MYRIP: variants seen among roughly 807,000 people sequenced by gnomAD.
The protein encoded by MYRIP is myosin VIIA and Rab interacting protein.
In MYRIP, 49 loss-of-function variants were observed where a neutral mutation model predicts 98.0. The ratio of observed to expected loss-of-function variants is 0.50; its 90% confidence interval spans 0.40 to 0.63. The LOEUF (loss-of-function observed/expected upper bound fraction) is 0.63, where lower values mean the gene tolerates loss of function less well. Ranked by LOEUF, MYRIP falls within the 30% of genes least tolerant of loss-of-function variation. MYRIP has a pLI of 0.00. For synonymous variants in MYRIP, 404 were observed against 409.5 expected (o/e 0.99, Z 0.16); for missense variants, 1,004 against 1,058.2 (o/e 0.95, Z 0.71).
chr3:39,870,866 A>G (rs1173893728), intron 1 of MYRIP, among the ~76,000 whole-genome samples: 1 of 152,152 alleles, frequency 6.6e-6, no homozygotes, highest in East Asian at 1.9e-4. Context: ...ACTTACACCA[A>G]CTTATACTAT....
At chr3:40,211,325 A>G (rs773160362) in intron 11 of MYRIP, among the ~76,000 whole-genome samples, 1 of 152,222 alleles carries the variant, frequency 6.6e-6, no homozygotes, top group East Asian at 1.9e-4. Context: ...TGAGTGAAGG[A>G]GCTGCCTTCA....
At chr3:39,962,229 A>G (rs1945339777) in intron 2 of MYRIP, among the ~76,000 whole-genome samples, 1 of 152,130 alleles carries the variant, frequency 6.6e-6, no homozygotes. Flanking sequence ...AAAATTATGC[A>G]CATAAAAATT....
chr3:39,972,827 C>T (rs1002601893), intron 2 of MYRIP, among the ~76,000 whole-genome samples: 3 of 151,030 alleles, frequency 2.0e-5, no homozygotes, highest in African/African-American at 7.3e-5. Flanking sequence ...AGCTAGGGTA[C>T]ATTGACGGGC....
chr3:39,834,637 A>T (rs1457337080), intron 1 of MYRIP, among the ~76,000 whole-genome samples: 5 of 152,212 alleles, frequency 3.3e-5, no homozygotes, highest in Non-Finnish European at 5.9e-5. Flanking sequence ...ATATTTTCAT[A>T]TGACATAAAT....
At chr3:39,845,601 T>C (rs914731272) in intron 1 of MYRIP, among the ~76,000 whole-genome samples, 2 of 152,168 alleles carry the variant, frequency 1.3e-5, no homozygotes, top group African/African-American at 4.8e-5. Context: ...GTAACATCAC[T>C]GTGGCAGGAC....
chr3:40,075,973 G>A (rs1269552903), intron 3 of MYRIP, among the ~76,000 whole-genome samples: 10 of 152,114 alleles, frequency 6.6e-5, no homozygotes, highest in African/African-American at 2.4e-4. Context: ...AGGCAGGTGG[G>A]TCACTTGAGC....
At chr3:40,183,749 G>C (rs370922971) in intron 9 of MYRIP, among the ~76,000 whole-genome samples, 1 of 152,126 alleles carries the variant, frequency 6.6e-6, no homozygotes, top group Non-Finnish European at 1.5e-5. Context: ...ATCCCATGTC[G>C]TATCAGATTT....
intron 16 of MYRIP, among the ~76,000 whole-genome samples, chr3:40,255,235 T>C (rs1953536805): frequency 6.6e-6 from 1 of 152,134 alleles, no homozygotes; most frequent in Non-Finnish European, 1.5e-5. Flanking sequence ...AAAAATAAAT[T>C]GTCTTTCATA....
At chr3:39,920,591 T>A (rs960065354) in intron 2 of MYRIP, among the ~76,000 whole-genome samples, 3 of 152,240 alleles carry the variant, frequency 2.0e-5, no homozygotes, top group Admixed American at 1.3e-4. Flanking sequence ...CAGTGGCTTC[T>A]GCTTTTTTTC....
intron 1 of MYRIP, among the ~76,000 whole-genome samples, chr3:39,816,415 T>C (rs1325677457): frequency 1.3e-5 from 2 of 152,196 alleles, no homozygotes; most frequent in African/African-American, 4.8e-5. Context: ...TGACAACCTA[T>C]CCTGAGAGTA....
chr3:39,872,967 G>C (rs1328084589), intron 1 of MYRIP, among the ~76,000 whole-genome samples: 1 of 152,160 alleles, frequency 6.6e-6, no homozygotes, highest in Non-Finnish European at 1.5e-5. Flanking sequence ...GTGTAAAAGT[G>C]TTCCTATTTC....
At chr3:40,179,151 G>A (rs975789790) in intron 8 of MYRIP, among the ~76,000 whole-genome samples, 1 of 152,194 alleles carries the variant, frequency 6.6e-6, no homozygotes, top group African/African-American at 2.4e-5. Context: ...GGTGCCCTCT[G>A]CTGGGCGTGT....
intron 2 of MYRIP, among the ~76,000 whole-genome samples, chr3:39,915,463 A>G (rs1484154584): frequency 1.3e-5 from 2 of 152,032 alleles, no homozygotes; most frequent in Admixed American, 6.5e-5. Context: ...AACTATTACA[A>G]TGGCAGCTAA....
chr3:40,010,370 G>C (rs1409447095), intron 2 of MYRIP, among the ~76,000 whole-genome samples: 1 of 152,222 alleles, frequency 6.6e-6, no homozygotes, highest in East Asian at 1.9e-4. Flanking sequence ...GAAGGGAGGA[G>C]AAAGAGCAGA....
Position 39,961,384 on chromosome 3 carries a change from C to T in MYRIP, c.110+60458C>T, listed in dbSNP as rs945188383. ...GATTTGAAGTGGCTTACTGATGTAA[C>T]CACAGTTCTGCTAGAATAGATAAGG... On this transcript the variant is annotated intron_variant, in intron 2 of 16. Coordinates refer to ENST00000302541, the MANE Select transcript of MYRIP (RefSeq NM_015460.4). 2.0e-5 allele frequency among the ~76,000 whole-genome samples: 3 copies of T among 152,084 alleles called. No individual in the cohort carries two copies. In the South Asian group the frequency reaches 6.2e-4, roughly 31 times the overall value.
At chr3:40,118,559 G>GTTTGTTTATTTA (rs1949329441) in intron 3 of MYRIP, among the ~76,000 whole-genome samples, 1 of 147,120 alleles carries the variant, frequency 6.8e-6, no homozygotes, top group African/African-American at 2.5e-5. Context: ...TGGGTTGAAG[G>GTTTGTTTATTTA]TTTATTTATT....
intron 1 of MYRIP, among the ~76,000 whole-genome samples, chr3:39,884,737 T>A (rs1305703324): frequency 6.6e-6 from 1 of 152,042 alleles, no homozygotes; most frequent in Non-Finnish European, 1.5e-5. Context: ...TATTCGCTCA[T>A]AAATAATTTT....
chr3:39,937,496 G>A (rs1337029537), intron 2 of MYRIP, among the ~76,000 whole-genome samples: 1 of 152,142 alleles, frequency 6.6e-6, no homozygotes, highest in East Asian at 1.9e-4. Context: ...TCTGTGATGT[G>A]GCCACCTGGT....
chr3:40,124,586 T>G (rs1359020560), intron 3 of MYRIP, among the ~76,000 whole-genome samples: 3 of 152,194 alleles, frequency 2.0e-5, no homozygotes. Context: ...TGTTTTTGGT[T>G]CTCTATTTGA....
Sources: gnomAD v4.1 joint callset for allele counts (sites outside exome capture counted in the v4.1 genomes callset) on GRCh38, gnomAD v4.1.1 for gene constraint, MANE v1.5 for transcripts, NCBI Gene and HGNC (gene_info 2026-07-23, HGNC 2026-07-21) for gene names.